CNTNAP2: variants seen among roughly 807,000 people sequenced by gnomAD.
CNTNAP2 encodes contactin-associated protein-like 2.
Under a neutral mutation model 155.2 loss-of-function variants are expected in CNTNAP2, and 98 were observed. The ratio of observed to expected loss-of-function variants is 0.63; its 90% CI spans 0.54 to 0.75. The LOEUF is 0.75. Among genes scored for constraint, CNTNAP2 ranks in the 30% least tolerant of loss-of-function variants. The pLI is 0.00. For missense variants in CNTNAP2, 1,727 were observed against 1,688.1 expected (o/e 1.02, Z -0.40); for synonymous variants, 651 against 631.2 (o/e 1.03, Z -0.47).
At chr7:146,186,158 C>T (rs1446153547) in intron 1 of CNTNAP2, among the ~76,000 whole-genome samples, 1 of 152,114 alleles carries the variant, frequency 6.6e-6, no homozygotes, top group African/African-American at 2.4e-5. Context: ...TTCTACTCTG[C>T]ATATTACTGA....
At chr7:147,886,182 T>C (rs1799595605) in intron 13 of CNTNAP2, among the ~76,000 whole-genome samples, 1 of 152,086 alleles carries the variant, frequency 6.6e-6, no homozygotes, top group African/African-American at 2.4e-5. Flanking sequence ...GAATTAAAGA[T>C]GCGGTTCTGG....
At chr7:147,276,002 A>AT (rs546583451) in intron 8 of CNTNAP2, among the ~76,000 whole-genome samples, 12 of 152,018 alleles carry the variant, frequency 7.9e-5, no homozygotes, top group Non-Finnish European at 1.5e-4. Context: ...GATTACTGGA[A>AT]TAAAACCCCC....
intron 1 of CNTNAP2, among the ~76,000 whole-genome samples, chr7:146,241,827 CACACACACACAA>C (rs1048727752): frequency 1.4e-5 from 2 of 146,462 alleles, no homozygotes; most frequent in Non-Finnish European, 2.9e-5. Context: ...TACCTATACA[CACACACACACAA>C]ACACACACGC....
intron 13 of CNTNAP2, among the ~76,000 whole-genome samples, chr7:147,892,352 A>G (rs1810185638): frequency 6.6e-6 from 1 of 152,222 alleles, no homozygotes; most frequent in African/African-American, 2.4e-5. Context: ...ACTGTTGTTA[A>G]AAGAATAAGA....
At chr7:146,337,102 C>G (rs1801289647) in intron 1 of CNTNAP2, among the ~76,000 whole-genome samples, 1 of 152,074 alleles carries the variant, frequency 6.6e-6, no homozygotes, top group South Asian at 2.1e-4. Flanking sequence ...TAAATGAATT[C>G]ATGGCAGAAA....
chr7:147,657,185 G>T (rs947849132), intron 13 of CNTNAP2, among the ~76,000 whole-genome samples: 13 of 152,156 alleles, frequency 8.5e-5, no homozygotes, highest in African/African-American at 3.1e-4. Flanking sequence ...TGCTATAGGT[G>T]TTTGCTATTA....
intron 1 of CNTNAP2, among the ~76,000 whole-genome samples, chr7:146,205,543 T>G (rs555349615): frequency 2.6e-5 from 4 of 151,872 alleles, no homozygotes; most frequent in African/African-American, 9.6e-5. Context: ...ATTTTGAAAG[T>G]AAAATCACTT....
intron 12 of CNTNAP2, among the ~76,000 whole-genome samples, chr7:147,583,557 C>T (rs192930035): frequency 0.012 from 1,617 of 139,500 alleles, 19 homozygotes; most frequent in Non-Finnish European, 0.018. Context: ...AAAATTAGTT[C>T]TTTCTGACTT....
At chr7:147,636,494 T>C (rs1795183141) in intron 12 of CNTNAP2, among the ~76,000 whole-genome samples, 1 of 152,226 alleles carries the variant, frequency 6.6e-6, no homozygotes, top group Non-Finnish European at 1.5e-5. Context: ...GTTACATAGA[T>C]ATACATGTGC....
chr7:147,682,821 A>G (rs1795967211), intron 13 of CNTNAP2, among the ~76,000 whole-genome samples: 1 of 152,006 alleles, frequency 6.6e-6, no homozygotes, highest in South Asian at 2.1e-4. Context: ...CAAGCAACAG[A>G]TAAAAGAATA....
chr7:146,412,656 C>T (rs1795882269), intron 1 of CNTNAP2, among the ~76,000 whole-genome samples: 1 of 152,162 alleles, frequency 6.6e-6, no homozygotes, highest in South Asian at 2.1e-4. Context: ...CTTTTCGGTG[C>T]ATATTAAAGT....
intron 13 of CNTNAP2, among the ~76,000 whole-genome samples, chr7:147,715,659 T>A (rs1454622181): frequency 6.6e-6 from 1 of 152,094 alleles, no homozygotes; most frequent in Non-Finnish European, 1.5e-5. Context: ...TTTTCACCCT[T>A]AACAGGCTCT....
intron 8 of CNTNAP2, among the ~76,000 whole-genome samples, chr7:147,239,783 A>G (rs997428867): frequency 6.6e-6 from 1 of 152,186 alleles, no homozygotes; most frequent in African/African-American, 2.4e-5. Flanking sequence ...TACCGTATTC[A>G]TTTTATAGAT....
At chr7:147,770,701 G>A (rs186483724) in intron 13 of CNTNAP2, among the ~76,000 whole-genome samples, 62 of 152,170 alleles carry the variant, frequency 4.1e-4, no homozygotes, top group African/African-American at 1.3e-3. Context: ...CTTAATGAGA[G>A]ATATAAAAGA....
At chr7:146,745,866 A>G (rs955427563) in intron 1 of CNTNAP2, among the ~76,000 whole-genome samples, 1 of 152,200 alleles carries the variant, frequency 6.6e-6, no homozygotes, top group Non-Finnish European at 1.5e-5. Flanking sequence ...TGTGCAGTCT[A>G]TGCCTTCTGC....
At chr7:148,097,362 ACC>A (rs1803995589) in intron 15 of CNTNAP2, among the ~76,000 whole-genome samples, 48 of 143,590 alleles carry the variant, frequency 3.3e-4, no homozygotes, top group East Asian at 1.4e-3. Context: ...AAAAAAAAAA[ACC>A]ATAAAAAATA....
intron 12 of CNTNAP2, among the ~76,000 whole-genome samples, chr7:147,565,371 G>A (rs922393114): frequency 4.0e-5 from 6 of 151,840 alleles, no homozygotes; most frequent in African/African-American, 9.7e-5. Context: ...AAAAAAGTGC[G>A]CTTTTTTTTA....
chr7:146,381,530 G>A (rs1340646504), intron 1 of CNTNAP2, among the ~76,000 whole-genome samples: 1 of 152,030 alleles, frequency 6.6e-6, no homozygotes, highest in Non-Finnish European at 1.5e-5. Flanking sequence ...TACCTTGTAA[G>A]GTTTTTATGG....
At chr7:146,803,436 G>A (rs1352456031) in intron 2 of CNTNAP2, among the ~76,000 whole-genome samples, 2 of 152,186 alleles carry the variant, frequency 1.3e-5, no homozygotes, top group African/African-American at 4.8e-5. Flanking sequence ...CAATCCCCTA[G>A]TGCACATAAT....
Sources: allele counts gnomAD v4.1 joint callset (sites outside exome capture counted in the v4.1 genomes callset), GRCh38; gene constraint gnomAD v4.1.1; transcripts MANE v1.5; gene names NCBI Gene and HGNC (gene_info 2026-07-23, HGNC 2026-07-21).